EML6: variants seen among roughly 807,000 people sequenced by gnomAD.
EML6 encodes the protein EMAP like 6.
Under a neutral mutation model 240.1 loss-of-function variants are expected in EML6, and 154 were observed. The observed-to-expected ratio is 0.64, with a 90% CI of 0.56 to 0.73. The LOEUF (loss-of-function observed/expected upper bound fraction) is 0.73. Among genes scored for constraint, EML6 ranks in the 30% least tolerant of loss-of-function variants. The pLI is 0.00. For synonymous variants in EML6, 1,148 were observed against 899.0 expected (o/e 1.28, Z -4.95); for missense variants, 2,964 against 2,474.6 (o/e 1.20, Z -4.20).
chr2:54,835,169 C>G (rs1669075905), intron 7 of EML6, among the ~76,000 whole-genome samples: 1 of 152,226 alleles, frequency 6.6e-6, no homozygotes, highest in Non-Finnish European at 1.5e-5. Flanking sequence ...GCAACTCATT[C>G]TGCCTCTACC....
chr2:54,799,373 T>G (rs1669993511), intron 2 of EML6, among the ~76,000 whole-genome samples: 1 of 151,992 alleles, frequency 6.6e-6, no homozygotes. Context: ...TATTACTATT[T>G]TTTTTTAAGA....
At chr2:54,898,233 C>G (rs1573098891) in intron 21 of EML6, among the ~76,000 whole-genome samples, 1 of 152,196 alleles carries the variant, frequency 6.6e-6, no homozygotes, top group East Asian at 1.9e-4. Flanking sequence ...GCCTCGCTTA[C>G]TGTCCGATCC....
chr2:54,909,357 T>C (rs534244499), intron 24 of EML6, among the ~76,000 whole-genome samples: 4 of 152,368 alleles, frequency 2.6e-5, no homozygotes, highest in Admixed American at 2.0e-4. Context: ...CTCACTTACA[T>C]ATATTCAGCC....
At chr2:54,831,157 A>G (rs1668850217) in intron 7 of EML6, among the ~76,000 whole-genome samples, 1 of 152,160 alleles carries the variant, frequency 6.6e-6, no homozygotes, top group Non-Finnish European at 1.5e-5. Flanking sequence ...AGAAACCAAA[A>G]CATGTACTTA....
intron 21 of EML6, among the ~76,000 whole-genome samples, chr2:54,898,289 T>G (rs1322299038): frequency 1.3e-5 from 2 of 152,090 alleles, no homozygotes; most frequent in Admixed American, 6.5e-5. Context: ...AAATACAATT[T>G]TGATGTCAAT....
At chr2:54,949,090 C>T in intron 29 of EML6, 130 bp downstream of exon 29, 2 of 701,244 alleles carry the variant, frequency 2.9e-6, no homozygotes, top group Non-Finnish European at 5.1e-6. Flanking sequence ...CTTTTGTCCC[C>T]TCTCCCTCCT....
intron 19 of EML6, 50 bp from the exon 20 acceptor site, chr2:54,894,865 A>C: frequency 7.8e-7 from 1 of 1,288,416 alleles, no homozygotes; most frequent in Non-Finnish European, 1.1e-6. Context: ...CCAAGTGGGT[A>C]ATTGGTCATT....
chr2:54,797,164 CAAAAAAAAAAAA>C (rs773498648), intron 2 of EML6, among the ~76,000 whole-genome samples: 3,036 of 43,914 alleles, frequency 0.069, 128 homozygotes, highest in Middle Eastern at 0.23. Context: ...GACTCCATCT[CAAAAAAAAAAAA>C]AAAAAAAAAA....
At chr2:54,811,019 A>T (rs540120601) in intron 2 of EML6, among the ~76,000 whole-genome samples, 6 of 152,216 alleles carry the variant, frequency 3.9e-5, no homozygotes, top group South Asian at 4.2e-4. Flanking sequence ...AATGTGCCCA[A>T]GCTTGTCCTT....
rs1395876649 is a variant in EML6 at position 54,889,156 on chromosome 2, T to A, written c.2439-1898T>A. 2.0e-5 allele frequency among the ~76,000 whole-genome samples: 3 copies of A among 152,218 alleles called. No homozygotes were observed. The East Asian group carries it at 5.8e-4, about 29-fold the overall frequency. ...GATTTTCTGTTTTGCCATTTGTCAG[T>A]CAACTCATACACAGGTACTATACTG... On this transcript the variant is annotated intron_variant, in intron 17 of 41. Transcript: ENST00000356458.
intron 22 of EML6, among the ~76,000 whole-genome samples, chr2:54,900,499 C>T (rs1361969247): frequency 3.3e-5 from 5 of 152,298 alleles, no homozygotes; most frequent in Non-Finnish European, 5.9e-5. Context: ...CTCTCACTGG[C>T]CCTGGGCTTG....
chr2:54,950,185 G>A (rs1675903834), intron 29 of EML6, among the ~76,000 whole-genome samples: 1 of 152,188 alleles, frequency 6.6e-6, no homozygotes, highest in South Asian at 2.1e-4. Context: ...ACTTTGTAGA[G>A]CAAGCACCAG....
Position 54,852,952 on chromosome 2 carries a change from A to G in EML6, c.1445-691A>G, listed in dbSNP as rs144751902. On this transcript the variant is annotated intron_variant, in intron 10 of 41. Coordinates refer to ENST00000356458, the MANE Select transcript of EML6 (RefSeq NM_001039753.4). ...GGGAACTGGGTAGTGGGCCATCCCCATTTGGGAATATACACAGCACAACGG... is the reference window on the plus strand; with the variant it reads ...GGGAACTGGGTAGTGGGCCATCCCCGTTTGGGAATATACACAGCACAACGG... 4.6e-5 allele frequency among the ~76,000 whole-genome samples: 7 copies of G among 152,334 alleles called. No individual in the cohort carries two copies. The East Asian group carries it at 7.7e-4, about 17-fold the overall frequency.
At chr2:54,958,278 A>C (rs11886393) in intron 33 of EML6, among the ~76,000 whole-genome samples, 4,044 of 151,630 alleles carry the variant, frequency 0.027, 192 homozygotes, top group African/African-American at 0.09. Context: ...TGCAACCTCC[A>C]CCTCCCAGGC....
chr2:54,873,563 C>T (rs1321276527), intron 16 of EML6, among the ~76,000 whole-genome samples: 2 of 151,438 alleles, frequency 1.3e-5, no homozygotes, highest in Non-Finnish European at 2.9e-5. Context: ...AGTTCAAATA[C>T]GATTGTATTT....
chr2:54,895,888 A>G (rs1672736498), intron 21 of EML6, among the ~76,000 whole-genome samples: 1 of 152,250 alleles, frequency 6.6e-6, no homozygotes, highest in Non-Finnish European at 1.5e-5. Context: ...AAAGCCAAAA[A>G]CAGAGGGGAA....
chr2:54,906,649 T>C (rs1673343045), intron 24 of EML6, among the ~76,000 whole-genome samples: 1 of 152,032 alleles, frequency 6.6e-6, no homozygotes, highest in African/African-American at 2.4e-5. Context: ...GGATTGAGAG[T>C]AGTAGAGACA....
chr2:54,817,350 A>C (rs2631841), intron 4 of EML6, among the ~76,000 whole-genome samples: 1 of 152,180 alleles, frequency 6.6e-6, no homozygotes, highest in African/African-American at 2.4e-5. Flanking sequence ...AGTGTGATCA[A>C]AAATGATAAT....
chr2:54,832,103 A>C (rs1572968436), intron 7 of EML6, among the ~76,000 whole-genome samples: 1 of 152,200 alleles, frequency 6.6e-6, no homozygotes, highest in Non-Finnish European at 1.5e-5. Context: ...ATCAAGCATC[A>C]AAAGAGATGC....
Sources: gnomAD v4.1 joint callset for allele counts (sites outside exome capture counted in the v4.1 genomes callset) on GRCh38, gnomAD v4.1.1 for gene constraint, MANE v1.5 for transcripts, NCBI Gene and HGNC (gene_info 2026-07-23, HGNC 2026-07-21) for gene names.